Variants in MKKS observed in about 807,000 individuals in gnomAD.
MKKS encodes molecular chaperone MKKS.
MKKS carries 29 observed loss-of-function variants against 33.2 expected under a neutral mutation model. The observed-to-expected ratio is 0.87, with a 90% confidence interval of 0.65 to 1.19. The LOEUF (loss-of-function observed/expected upper bound fraction) is 1.19. Ranked by LOEUF, MKKS falls within the 50% of genes most tolerant of loss-of-function variation. MKKS has a pLI of 0.00. For synonymous variants in MKKS, 260 were observed against 244.0 expected, an observed-to-expected ratio of 1.07 and a Z score of -0.61; for missense variants, 661 against 662.3, an observed-to-expected ratio of 1.00 and a Z score of 0.02.
chr20:10,413,448 T>C lies in MKKS; in HGVS notation c.67A>G (p.Arg23Gly), dbSNP rs147545395. 1,964 of 1,613,950 alleles carry C rather than the reference T, an allele frequency of 1.2e-3. 2 individuals are homozygous for C. Among genetic ancestry groups the C allele is most frequent in the Non-Finnish European group, 1.6e-3 (1,839 of 1,179,900 alleles). ...KSEPLTTERVRTTLSVLKRIV... is the reference protein window; with the variant it reads ...KSEPLTTERVGTTLSVLKRIV... The stretch of plus-strand genomic sequence containing the variant: ...CTTTTCAAGACAGAAAGTGTGGTCC[T>C]GACTCTCTCAGTTGTCAGTGGTTCA... The change falls in exon 3 of 6, where the codon AGG (arginine) becomes GGG (glycine). Residue 23 changes from arginine (R) to glycine (G), a missense_variant. Physicochemically the swap from Arg to Gly is moderately radical, Grantham distance 125 (BLOSUM62 -2). Transcript: ENST00000347364.
At chr20:10,428,052 T>C (rs1653153028) in intron 1 of MKKS, among the ~76,000 whole-genome samples, 1 of 152,214 alleles carries the variant, frequency 6.6e-6, no homozygotes, top group African/African-American at 2.4e-5. Flanking sequence ...AAATAAAAAA[T>C]ATACTGAAAG....
chr20:10,414,137 G>A (rs1228109223), intron 2 of MKKS, among the ~76,000 whole-genome samples: 1 of 152,094 alleles, frequency 6.6e-6, no homozygotes, highest in Non-Finnish European at 1.5e-5. Context: ...AAGAAAAAGT[G>A]CTTGTATTTC....
chr20:10,430,423 TTGTC>T (rs33939740), intron 1 of MKKS, among the ~76,000 whole-genome samples: 72,388 of 151,608 alleles, frequency 0.48, 18,091 homozygotes, highest in Non-Finnish European at 0.56. Context: ...ACTTGGCACT[TTGTC>T]TGGGCTCAGT....
chr20:10,411,875 T>C (rs1381139279), intron 3 of MKKS, among the ~76,000 whole-genome samples: 4 of 152,236 alleles, frequency 2.6e-5, no homozygotes, highest in African/African-American at 9.6e-5. Context: ...ATTTGCTGAG[T>C]TTGTAAAATA....
chr20:10,413,122 G>C lies in MKKS; in HGVS notation c.393C>G (p.Leu131=), dbSNP rs751982863. Residue 131 remains leucine, a synonymous_variant, in exon 3 of 6, where the codon CTC becomes CTG. Transcript: ENST00000347364. ...KHLLSLCISY[L]KSETCGCRIP... ...TTCGACAACCACAGGTCTCAGACTT[G>C]AGATAACTGATGCAAAGACTCAAAA... 1.9e-6 allele frequency: 3 copies of C among 1,613,924 alleles called. No individual in the cohort carries two copies. In the African/African-American group the frequency reaches 4.0e-5, roughly 22 times the overall value.
At chr20:10,422,904 G>C (rs540060516) in intron 1 of MKKS, among the ~76,000 whole-genome samples, 5 of 151,744 alleles carry the variant, frequency 3.3e-5, no homozygotes, top group African/African-American at 1.2e-4. Flanking sequence ...GTAGAGACAG[G>C]GTTTCACCGT....
At position 10,408,741 on chromosome 20, in the gene MKKS, CAT is replaced by C; in HGVS notation, c.1046_1047del (p.Asp349GlyfsTer17). ...TTGGAGCCAAATTTTGCAGTGCACA[CAT>C]CTTTCACACTTCCATAACTATTAGG... ...ICPNSYGSVK[D>X]VCTAKFGSKH... On this transcript the variant is annotated frameshift_variant, in exon 4 of 6. Transcript: ENST00000347364. LOFTEE classifies it high-confidence loss of function. The C allele has an allele frequency of 6.2e-7, 1 of 1,613,846 alleles. No individual in the cohort carries two copies. Among genetic ancestry groups the C allele is most frequent in the Non-Finnish European group, 8.5e-7 (1 of 1,179,806 alleles).
chr20:10,407,995 C>T (rs922132516), intron 4 of MKKS, among the ~76,000 whole-genome samples: 1 of 152,204 alleles, frequency 6.6e-6, no homozygotes, highest in African/African-American at 2.4e-5. Flanking sequence ...CAAACTGAGA[C>T]GAATATATGG....
intron 2 of MKKS, among the ~76,000 whole-genome samples, chr20:10,419,457 T>C (rs913535502): frequency 6.6e-6 from 1 of 152,152 alleles, no homozygotes; most frequent in Non-Finnish European, 1.5e-5. Flanking sequence ...TCAATTTTCA[T>C]ATTAAGTGGA....
chr20:10,414,309 AG>A (rs1399389633), intron 2 of MKKS, among the ~76,000 whole-genome samples: 1 of 134,776 alleles, frequency 7.4e-6, no homozygotes, highest in Non-Finnish European at 1.5e-5. Context: ...CTTGTTGCCC[AG>A]GCTGGAGTGC....
At position 10,412,738 on chromosome 20, in the gene MKKS, A is replaced by C. The variant is rs1473381208; in HGVS notation, c.777T>G (p.Thr259=). The change falls in exon 3 of 6, where the codon ACT becomes ACG. Residue 259 remains threonine (T), a synonymous_variant. Coordinates refer to ENST00000347364, the MANE Select transcript of MKKS (RefSeq NM_170784.3). ...GAGAAACCCCATAACTGACCACCAC[A>C]GTTCCTTCTCCAGTGTCAGAAGTGT... The part of the protein sequence containing the change: ...SGDTSDTGEG[T]VVVSYGVSLE... 2.5e-6 allele frequency: 4 copies of C among 1,614,058 alleles called. No individual in the cohort carries two copies. The Admixed American group carries it at 6.7e-5, about 27-fold the overall frequency.
chr20:10,413,624 G>C lies in MKKS; in HGVS notation c.-110C>G. On this transcript the variant is annotated 5_prime_UTR_variant, in exon 3 of 6. Coordinates refer to ENST00000347364, the MANE Select transcript of MKKS (RefSeq NM_170784.3). Reference sequence around the variant, plus strand: ...TAAAAATTATTCTTTAGGAATTAAAGTATGAATATGCAGCATTGTGGCTAT... The same window carrying C: ...TAAAAATTATTCTTTAGGAATTAAACTATGAATATGCAGCATTGTGGCTAT... The C allele has an allele frequency of 8.2e-7, 1 of 1,216,018 alleles. No individual in the cohort carries two copies. Among genetic ancestry groups the C allele is most frequent in the African/African-American group, 1.5e-5 (1 of 66,402 alleles). 75.3% of individuals were successfully genotyped at this position (1,216,018 alleles called of 1,614,324 possible). A position where few individuals can be genotyped will look rare whatever the true frequency, so the allele number is the denominator to read the frequency against.
chr20:10,404,124 C>T lies in MKKS; in HGVS notation c.*1123G>A, dbSNP rs1263860041. ...GTGGCTGCCTTCTATATTTCTTCTT[C>T]AATTTATCAATACATCTTATATTTG... On this transcript the variant is annotated 3_prime_UTR_variant, in exon 6 of 6. Coordinates refer to ENST00000347364, the MANE Select transcript of MKKS (RefSeq NM_170784.3). 3.9e-5 allele frequency: 6 copies of T among 152,156 alleles called. No individual in the cohort carries two copies. The highest frequency in any genetic ancestry group is 2.0e-4 in the Admixed American group (3 of 15,260). The allele number at this position is 152,156 out of a possible 1,614,324, so 9.4% of individuals were successfully genotyped here. A position where few individuals can be genotyped will look rare whatever the true frequency, so the allele number is the denominator to read the frequency against.
intron 2 of MKKS, among the ~76,000 whole-genome samples, 172 bp downstream of exon 2, chr20:10,420,356 A>G (rs959516577): frequency 1.3e-5 from 2 of 152,194 alleles, no homozygotes; most frequent in Non-Finnish European, 2.9e-5. Flanking sequence ...ATGTCTCTGC[A>G]CAACGAACTT....
chr20:10,423,554 T>C (rs2064995510), intron 1 of MKKS, among the ~76,000 whole-genome samples: 1 of 152,166 alleles, frequency 6.6e-6, no homozygotes, highest in Non-Finnish European at 1.5e-5. Context: ...TTTGGGGAAG[T>C]GTTGTACTAT....
At chr20:10,410,145 C>T (rs1229717850) in intron 3 of MKKS, among the ~76,000 whole-genome samples, 1 of 151,854 alleles carries the variant, frequency 6.6e-6, no homozygotes, top group African/African-American at 2.4e-5. Context: ...AAGTAAAAAA[C>T]CCAAAATCTT....
chr20:10,423,236 G>A (rs1280921280), intron 1 of MKKS, among the ~76,000 whole-genome samples: 1 of 152,004 alleles, frequency 6.6e-6, no homozygotes, highest in African/African-American at 2.4e-5. Flanking sequence ...CCTAGGCAAC[G>A]TGGCAAAACC....
At chr20:10,418,830 C>T (rs544661175) in intron 2 of MKKS, among the ~76,000 whole-genome samples, 93 of 152,132 alleles carry the variant, frequency 6.1e-4, no homozygotes, top group African/African-American at 2.0e-3. Flanking sequence ...TCTTACTAGT[C>T]TGAAAGACTA....
chr20:10,430,799 T>G (rs1006249268), intron 1 of MKKS, among the ~76,000 whole-genome samples: 21 of 152,174 alleles, frequency 1.4e-4, no homozygotes, highest in African/African-American at 5.1e-4. Flanking sequence ...GGTGAAAAAT[T>G]TCATGTATGT....
Sources: gnomAD v4.1 joint callset for allele counts (sites outside exome capture counted in the v4.1 genomes callset) on GRCh38, gnomAD v4.1.1 for gene constraint, MANE v1.5 for transcripts, NCBI Gene and HGNC (gene_info 2026-07-23, HGNC 2026-07-21) for gene names.